The following PRKCA variants were observed in gnomAD, a reference collection of about 807,000 sequenced individuals.
PRKCA encodes protein kinase C alpha type.
PRKCA carries 27 observed loss-of-function variants against 87.0 expected under a neutral mutation model. That is an observed-to-expected ratio of 0.31 (90% CI 0.23 to 0.43). The LOEUF (loss-of-function observed/expected upper bound fraction) is 0.43, where lower values mean the gene tolerates loss of function less well. PRKCA is among the 20% of genes least tolerant of loss of function. The pLI, the probability that PRKCA is intolerant of heterozygous loss-of-function variation, is 1.00. For synonymous variants in PRKCA, 329 were observed against 311.1 expected (o/e 1.06, Z -0.61); for missense variants, 518 against 852.3 (o/e 0.61, Z 4.88).
chr17:66,797,933 A>G (rs1028813987), intron 16 of PRKCA, among the ~76,000 whole-genome samples: 1 of 152,220 alleles, frequency 6.6e-6, no homozygotes. Flanking sequence ...TTTTGCTCAC[A>G]AGGTATAAAT....
Position 66,738,797 on chromosome 17 carries a change from G to A in PRKCA, c.1264G>A (p.Gly422Ser), listed in dbSNP as rs1331371121. The change falls in exon 11 of 17, where the codon GGT (glycine) becomes AGT (serine). Residue 422 changes from glycine (G) to serine (S), a missense_variant. By Grantham distance (56) the Gly-to-Ser change is moderately conservative (BLOSUM62 0). Coordinates refer to ENST00000413366, the MANE Select transcript of PRKCA (RefSeq NM_002737.3). The part of the protein sequence containing the change: ...RLYFVMEYVN[G>S]GDLMYHIQQV... ...GTACTTCGTCATGGAATATGTCAAC[G>A]GTGGGGACCTCATGTACCACATTCA... The A allele has an allele frequency of 1.2e-6, 2 of 1,613,658 alleles. No homozygotes were observed. The highest frequency in any genetic ancestry group is 2.2e-5 in the East Asian group (1 of 44,810).
At chr17:66,426,594 GCC>G in intron 2 of PRKCA, among the ~76,000 whole-genome samples, 1 of 152,276 alleles carries the variant, frequency 6.6e-6, no homozygotes, top group Non-Finnish European at 1.5e-5. Flanking sequence ...CTACACCAGA[GCC>G]ATTCCTCTTC....
chr17:66,735,555 G>C lies in PRKCA; in HGVS notation c.1123G>C (p.Val375Leu). The C allele has an allele frequency of 6.2e-7, 1 of 1,614,166 alleles. No individual in the cohort carries two copies. Among genetic ancestry groups the C allele is most frequent in the Non-Finnish European group, 8.5e-7 (1 of 1,180,028 alleles). Residue 375 changes from valine (V) to leucine (L), a missense_variant, in exon 10 of 17, where the codon GTG (valine) becomes CTG (leucine). By Grantham distance (32) the Val-to-Leu change is conservative. Coordinates refer to ENST00000413366, the MANE Select transcript of PRKCA (RefSeq NM_002737.3). ...AATCAAAATCCTGAAGAAGGATGTG[G>C]TGATTCAGGATGATGACGTGGAGTG... ...YAIKILKKDV[V>L]IQDDDVECTM...
At chr17:66,561,562 G>C (rs1968679072) in intron 3 of PRKCA, among the ~76,000 whole-genome samples, 1 of 152,122 alleles carries the variant, frequency 6.6e-6, no homozygotes, top group African/African-American at 2.4e-5. Context: ...TACACTTCTG[G>C]ATATAGACCC....
chr17:66,487,276 G>T (rs1363489177), intron 2 of PRKCA, among the ~76,000 whole-genome samples: 1 of 152,082 alleles, frequency 6.6e-6, no homozygotes, highest in East Asian at 1.9e-4. Flanking sequence ...TATGATGTTT[G>T]TCTTCCTGTG....
chr17:66,804,508 G>C lies in PRKCA; in HGVS notation c.*471G>C, dbSNP rs74211395. The C allele has an allele frequency of 1.6e-4, 25 of 153,820 alleles. No homozygotes were observed. The highest frequency in any genetic ancestry group is 3.0e-4 in the Non-Finnish European group (21 of 69,106). The allele number at this position is 153,820 out of a possible 1,614,324, so 9.5% of individuals were successfully genotyped here. On this transcript the variant is annotated 3_prime_UTR_variant, in exon 17 of 17. Coordinates refer to ENST00000413366, the MANE Select transcript of PRKCA (RefSeq NM_002737.3). ...GAGTGAGCAGGGAGGGATTGGGGGTGGGGGAGGCCTCAAAATACCGACTGC... is the reference window on the plus strand; with the variant it reads ...GAGTGAGCAGGGAGGGATTGGGGGTCGGGGAGGCCTCAAAATACCGACTGC...
At chr17:66,313,839 T>G (rs4300687) in intron 2 of PRKCA, among the ~76,000 whole-genome samples, 147,426 of 152,316 alleles carry the variant, frequency 0.97, 71,355 homozygotes, top group East Asian at 1. Flanking sequence ...TAAATGTACA[T>G]GAATGGCAGC....
At chr17:66,317,066 C>T (rs1033060365) in intron 2 of PRKCA, among the ~76,000 whole-genome samples, 20 of 151,256 alleles carry the variant, frequency 1.3e-4, no homozygotes, top group Non-Finnish European at 2.4e-4. Context: ...GGCGTGAACC[C>T]GGAAAGCGGA....
chr17:66,541,216 T>C (rs973806145), intron 3 of PRKCA, among the ~76,000 whole-genome samples: 1 of 152,164 alleles, frequency 6.6e-6, no homozygotes, highest in Admixed American at 6.5e-5. Context: ...GATTTTGATA[T>C]GTTGTGTGCC....
chr17:66,510,282 GA>G (rs1326666156), intron 3 of PRKCA, among the ~76,000 whole-genome samples: 6 of 152,184 alleles, frequency 3.9e-5, no homozygotes, highest in African/African-American at 1.4e-4. Context: ...TTTTCGGGGG[GA>G]AAAGGTTTTT....
intron 2 of PRKCA, among the ~76,000 whole-genome samples, chr17:66,335,670 C>A (rs1449416730): frequency 1.3e-5 from 2 of 151,688 alleles, no homozygotes; most frequent in African/African-American, 4.8e-5. Context: ...ATATTGCGAT[C>A]ATTTCCCACA....
intron 13 of PRKCA, among the ~76,000 whole-genome samples, chr17:66,750,306 A>G (rs767724504): frequency 2.6e-5 from 4 of 152,186 alleles, no homozygotes; most frequent in African/African-American, 4.8e-5. Flanking sequence ...CTTTCTATCA[A>G]AGGCCAATTT....
intron 3 of PRKCA, among the ~76,000 whole-genome samples, chr17:66,590,996 G>T (rs530326892): frequency 6.6e-6 from 1 of 152,164 alleles, no homozygotes; most frequent in East Asian, 1.9e-4. Context: ...TTATGGCCTG[G>T]GTTCAAATCC....
rs1975996687 is a variant in PRKCA at position 66,804,972 on chromosome 17, T to C, written c.*935T>C. 4 of 984,514 alleles carry C rather than the reference T, an allele frequency of 4.1e-6. No homozygotes were observed. The highest frequency in any genetic ancestry group is 4.8e-6 in the Non-Finnish European group (4 of 828,854). 61.0% of individuals were successfully genotyped at this position (984,514 alleles called of 1,614,324 possible). ...TGTTATCCTTCTCAAGAAGCTGAAG[T>C]GTACGCCCTCTCCCCTTTTGTGCTT... is the stretch of plus-strand genomic sequence containing the variant. On this transcript the variant is annotated 3_prime_UTR_variant, in exon 17 of 17. Transcript: ENST00000413366.
intron 2 of PRKCA, 99 bp downstream of exon 2, chr17:66,306,226 A>G: frequency 1.5e-6 from 2 of 1,321,778 alleles, no homozygotes; most frequent in Non-Finnish European, 2.1e-6. Flanking sequence ...CAATAAAAAA[A>G]TGTTATTTAG....
rs951346608 is a variant in PRKCA at position 66,468,448 on chromosome 17, A to AT, written c.206-27745dup. Among the ~76,000 whole-genome samples the AT allele has an allele frequency of 4.6e-5, 7 of 152,010 alleles. No homozygotes were observed. In the East Asian group the frequency reaches 9.7e-4, roughly 21 times the overall value. On this transcript the variant is annotated intron_variant, in intron 2 of 16. Transcript: ENST00000413366. ...CTGACTGACTTGTTCCTGCACATGC[A>AT]TTTTTTTTCCTGGCAAGTCATAATT...
intron 5 of PRKCA, among the ~76,000 whole-genome samples, chr17:66,652,882 A>G (rs1391045479): frequency 6.6e-6 from 1 of 152,166 alleles, no homozygotes; most frequent in Non-Finnish European, 1.5e-5. Flanking sequence ...ATGGCCACCA[A>G]CGCCTTTCCT....
intron 9 of PRKCA, among the ~76,000 whole-genome samples, chr17:66,734,838 C>T (rs907675311): frequency 6.6e-6 from 1 of 152,180 alleles, no homozygotes; most frequent in African/African-American, 2.4e-5. Context: ...GCACAGTCCT[C>T]ACCTGGTTTC....
At chr17:66,320,310 T>G (rs1567770273) in intron 2 of PRKCA, among the ~76,000 whole-genome samples, 1 of 152,124 alleles carries the variant, frequency 6.6e-6, no homozygotes, top group East Asian at 1.9e-4. Context: ...ACCTTTGTAC[T>G]TGTACTCTGT....
Sources: gnomAD v4.1 joint callset for allele counts (sites outside exome capture counted in the v4.1 genomes callset) on GRCh38, gnomAD v4.1.1 for gene constraint, MANE v1.5 for transcripts, NCBI Gene and HGNC (gene_info 2026-07-23, HGNC 2026-07-21) for gene names.